UNC93A: variants seen among roughly 807,000 people sequenced by gnomAD.
UNC93A encodes N-acetylglucosamine transporter UNC93A.
A neutral mutation model predicts 47.5 loss-of-function variants in UNC93A; 43 were observed. The observed-to-expected ratio is 0.91, with a 90% CI of 0.71 to 1.17. The LOEUF is 1.17. Among genes scored for constraint, UNC93A ranks in the 50% most tolerant of loss-of-function variants. The pLI is 0.00. For missense variants in UNC93A, 605 were observed against 577.6 expected (o/e 1.05, Z -0.49); for synonymous variants, 280 against 258.0 (o/e 1.09, Z -0.82).
intron 5 of UNC93A, among the ~76,000 whole-genome samples, chr6:167,305,677 G>T (rs952823629): frequency 6.6e-6 from 1 of 152,142 alleles, no homozygotes; most frequent in East Asian, 1.9e-4. Flanking sequence ...AAATACATGA[G>T]AAAGAATTTT....
chr6:167,306,334 TG>T (rs1266991400), intron 6 of UNC93A, among the ~76,000 whole-genome samples: 1 of 151,878 alleles, frequency 6.6e-6, no homozygotes, highest in Non-Finnish European at 1.5e-5. Flanking sequence ...CAGGCCAGGG[TG>T]GGGCAGGGCA....
chr6:167,278,993 TA>T (rs1392913866), intron 1 of UNC93A, among the ~76,000 whole-genome samples: 1 of 152,244 alleles, frequency 6.6e-6, no homozygotes, highest in East Asian at 1.9e-4. Flanking sequence ...AATCTTTTAA[TA>T]AAAATCTTTG....
intron 4 of UNC93A, among the ~76,000 whole-genome samples, chr6:167,300,757 A>G (rs923314637): frequency 3.9e-5 from 6 of 152,152 alleles, no homozygotes; most frequent in African/African-American, 1.2e-4. Flanking sequence ...CCTCCTCTAC[A>G]TAACTAGGAG....
In UNC93A at chr6:167,315,711, G is replaced by A. The variant is rs974931576; in HGVS notation, c.*259G>A. The A allele has an allele frequency of 8.1e-6, 3 of 368,548 alleles. No homozygotes were observed. Among genetic ancestry groups the A allele is most frequent in the African/African-American group, 2.3e-5 (1 of 44,092 alleles). 22.8% of individuals were successfully genotyped at this position (368,548 alleles called of 1,614,324 possible). The stretch of plus-strand genomic sequence containing the variant: ...TAGATGCAAAAGAAAAAGGTCTAAC[G>A]TACAATCAGCCAATTAGAATTTGCC... On this transcript the variant is annotated 3_prime_UTR_variant, in exon 8 of 8. Transcript: ENST00000230256.
chr6:167,285,688 G>A (rs73790183), intron 1 of UNC93A, among the ~76,000 whole-genome samples: 2,933 of 151,596 alleles, frequency 0.019, 124 homozygotes, highest in African/African-American at 0.067. Context: ...TCTGGAGGGC[G>A]GCCCTGGGCA....
intron 7 of UNC93A, among the ~76,000 whole-genome samples, chr6:167,311,145 C>T (rs1562361634): frequency 6.6e-6 from 1 of 152,182 alleles, no homozygotes; most frequent in Non-Finnish European, 1.5e-5. Context: ...ATTTCTAATC[C>T]TATTCTCCCC....
At position 167,304,095 on chromosome 6, in the gene UNC93A, G is replaced by C; in HGVS notation, c.802G>C (p.Gly268Arg). Residue 268 changes from glycine to arginine, a missense_variant, in exon 5 of 8, where the codon GGA (glycine) becomes CGA (arginine). Coordinates refer to ENST00000230256, the MANE Select transcript of UNC93A (RefSeq NM_018974.4). ...CLLILLPLYS[G>R]LQQGFLSSEY... is the part of the protein sequence containing the mutation. ...CTTAATTCTGCTGCCGCTGTACAGT[G>C]GATTGCAGCAAGGATTCCTCTCCAG... 1 of 1,614,190 alleles carries C rather than the reference G, an allele frequency of 6.2e-7. No individual in the cohort carries two copies. The highest frequency in any genetic ancestry group is 8.5e-7 in the Non-Finnish European group (1 of 1,180,040).
At chr6:167,273,851 G>A (rs1562338458) in intron 1 of UNC93A, among the ~76,000 whole-genome samples, 1 of 151,268 alleles carries the variant, frequency 6.6e-6, no homozygotes, top group East Asian at 1.9e-4. Flanking sequence ...AAATATCTGG[G>A]TTAGGATAAG....
chr6:167,285,240 C>T (rs1312410298), intron 1 of UNC93A, among the ~76,000 whole-genome samples: 1 of 151,904 alleles, frequency 6.6e-6, no homozygotes, highest in African/African-American at 2.4e-5. Context: ...GCATTTAGGC[C>T]AAGGGGAGGG....
intron 1 of UNC93A, among the ~76,000 whole-genome samples, chr6:167,278,578 CA>C (rs1017648861): frequency 2.0e-5 from 3 of 152,214 alleles, no homozygotes; most frequent in African/African-American, 4.8e-5. Context: ...GGTTATCTGA[CA>C]AGCAAGAACA....
In UNC93A at chr6:167,296,277, G is replaced by A; in HGVS notation, c.499+16G>A. ...CCCAGCCAAGGTAAAAGGAAAAGGG[G>A]CAAGCAATTGTCTCCAAGTGGAGCA... On this transcript the variant is annotated intron_variant, in intron 3 of 7. Transcript: ENST00000230256. 6.2e-7 allele frequency: 1 copy of A among 1,612,994 alleles called. No homozygotes were observed. Among genetic ancestry groups the A allele is most frequent in the Admixed American group, 1.7e-5 (1 of 60,030 alleles).
At chr6:167,293,766 G>T (rs1331496082) in intron 1 of UNC93A, among the ~76,000 whole-genome samples, 1 of 152,188 alleles carries the variant, frequency 6.6e-6, no homozygotes, top group East Asian at 1.9e-4. Context: ...ACGCTCTTTT[G>T]TGGCACCTCC....
intron 4 of UNC93A, among the ~76,000 whole-genome samples, chr6:167,301,200 G>A (rs1443757497): frequency 6.6e-6 from 1 of 152,236 alleles, no homozygotes; most frequent in African/African-American, 2.4e-5. Flanking sequence ...GGTGGCTGTT[G>A]TCTGTGGAAC....
chr6:167,308,062 T>A, intron 7 of UNC93A, 152 bp downstream of exon 7: 2 of 1,097,738 alleles, frequency 1.8e-6, no homozygotes, highest in Non-Finnish European at 2.5e-6. Context: ...ATGTCGCCTC[T>A]GAGTCTGATG....
chr6:167,295,669 G>A lies in UNC93A; in HGVS notation c.270-363G>A, dbSNP rs1286909158. 2.8e-5 allele frequency among the ~76,000 whole-genome samples: 3 copies of A among 107,078 alleles called. 1 individual carries two copies. The highest frequency in any genetic ancestry group is 9.5e-5 in the African/African-American group (2 of 21,070). 70.2% of individuals were successfully genotyped at this position (107,078 alleles called of 152,430 possible). On this transcript the variant is annotated intron_variant, in intron 2 of 7. Coordinates refer to ENST00000230256, the MANE Select transcript of UNC93A (RefSeq NM_018974.4). ...GCTCCTCGCCTCCCTCGTGATCCTC[G>A]CCTGCCTCGTGCTCCTCGCCTGCCT...
At chr6:167,293,418 G>T (rs889457032) in intron 1 of UNC93A, among the ~76,000 whole-genome samples, 1 of 152,128 alleles carries the variant, frequency 6.6e-6, no homozygotes, top group Non-Finnish European at 1.5e-5. Flanking sequence ...GCCTATTGTC[G>T]GCAGCTGACC....
chr6:167,296,229 C>A lies in UNC93A; in HGVS notation c.467C>A (p.Ser156Ter). Reference sequence around the variant, plus strand: ...TCCGGTGTGTGGGGCAACTTGATCTCATCGCTGGTATTTGGCCAGACTCCC... The same window carrying A: ...TCCGGTGTGTGGGGCAACTTGATCTAATCGCTGGTATTTGGCCAGACTCCC... ...QSSGVWGNLI[S>*]SLVFGQTPSQ... is the part of the protein sequence containing the mutation. The change falls in exon 3 of 8, where the codon TCA becomes TAA. Residue 156 changes from serine to a stop codon, truncating the protein, a stop_gained. Transcript: ENST00000230256. LOFTEE classifies it high-confidence loss of function. 1.2e-6 allele frequency: 2 copies of A among 1,614,220 alleles called. No individual in the cohort carries two copies. Among genetic ancestry groups the A allele is most frequent in the Non-Finnish European group, 1.7e-6 (2 of 1,180,052 alleles).
intron 1 of UNC93A, among the ~76,000 whole-genome samples, chr6:167,273,005 T>C (rs1783474191): frequency 7.3e-6 from 1 of 137,230 alleles, no homozygotes; most frequent in Non-Finnish European, 1.6e-5. Flanking sequence ...ATTCAGATGG[T>C]TGGGGGGCCA....
At chr6:167,299,324 G>A (rs1778178006) in intron 4 of UNC93A, among the ~76,000 whole-genome samples, 1 of 152,044 alleles carries the variant, frequency 6.6e-6, no homozygotes. Context: ...ACCAACTCCT[G>A]CACTCTGCCG....
Sources: allele counts gnomAD v4.1 joint callset (sites outside exome capture counted in the v4.1 genomes callset), GRCh38; gene constraint gnomAD v4.1.1; transcripts MANE v1.5; gene names NCBI Gene and HGNC (gene_info 2026-07-23, HGNC 2026-07-21).